Variants in ARHGAP6 observed in about 807,000 individuals in gnomAD.
ARHGAP6 encodes the protein Rho GTPase activating protein 6, also known as rho GTPase-activating protein 6.
A neutral mutation model predicts 55.7 loss-of-function variants in ARHGAP6; 16 were observed. The ratio of observed to expected loss-of-function variants is 0.29; its 90% CI spans 0.19 to 0.44. ARHGAP6 has a LOEUF of 0.44. Ranked by LOEUF, ARHGAP6 falls within the 20% of genes least tolerant of loss-of-function variation. ARHGAP6 has a pLI of 1.00. For synonymous variants in ARHGAP6, 382 were observed against 360.9 expected (o/e 1.06, Z -0.66); for missense variants, 698 against 808.9 (o/e 0.86, Z 1.66).
intron 1 of ARHGAP6, among the ~76,000 whole-genome samples, chrX:11,575,882 T>C (rs1032995075): frequency 5.3e-5 from 6 of 112,463 alleles, no homozygotes; most frequent in African/African-American, 1.9e-4. Flanking sequence ...CAGCTGCAGT[T>C]CAGAACAGTT....
chrX:11,655,116 C>T (rs1293527138), intron 1 of ARHGAP6, among the ~76,000 whole-genome samples: 1 of 112,089 alleles, frequency 8.9e-6, no homozygotes, highest in Admixed American at 9.5e-5. Context: ...CTATTCTAGA[C>T]ATTTCATATA....
In ARHGAP6 at chrX:11,294,921, AT is replaced by A. The variant is rs1421270249; in HGVS notation, c.589-40215del. 3.8e-6 allele frequency: 4 copies of A among 1,049,575 alleles called. No individual in the cohort carries two copies. In the African/African-American group the frequency reaches 7.4e-5, roughly 19 times the overall value. The allele number at this position is 1,049,575 out of a possible 1,213,427, so 86.5% of individuals were successfully genotyped here. A position where few individuals can be genotyped will look rare whatever the true frequency, so the allele number is the denominator to read the frequency against. ...TAAAAATCTGCTCATAGTTGGTGAA[AT>A]TAGGGTTTAAAACAGTATGAGATCA... is the stretch of plus-strand genomic sequence containing the variant. On this transcript the variant is annotated intron_variant, in intron 1 of 12. Coordinates refer to ENST00000337414, the MANE Select transcript of ARHGAP6 (RefSeq NM_013427.3).
chrX:11,392,386 T>A (rs1192250262), intron 1 of ARHGAP6, among the ~76,000 whole-genome samples: 1 of 111,380 alleles, frequency 9.0e-6, no homozygotes, highest in Non-Finnish European at 1.9e-5. Flanking sequence ...TCACCAGCTG[T>A]TTATCACGAG....
At chrX:11,430,276 T>G (rs1218872093) in intron 1 of ARHGAP6, among the ~76,000 whole-genome samples, 3 of 112,635 alleles carry the variant, frequency 2.7e-5, no homozygotes. Flanking sequence ...AGCCCCACAC[T>G]GTGTACTTAC....
intron 1 of ARHGAP6, among the ~76,000 whole-genome samples, chrX:11,624,705 C>G (rs1213276578): frequency 8.9e-5 from 10 of 111,989 alleles, no homozygotes; most frequent in Non-Finnish European, 1.9e-4. Flanking sequence ...GCACCCACCA[C>G]CACGCCTGGC....
At chrX:11,203,812 A>C (rs938856550) in intron 2 of ARHGAP6, among the ~76,000 whole-genome samples, 5 of 111,522 alleles carry the variant, frequency 4.5e-5, no homozygotes, top group Non-Finnish European at 9.4e-5. Flanking sequence ...CTACATACTC[A>C]AACTTTGGTG....
intron 1 of ARHGAP6, among the ~76,000 whole-genome samples, chrX:11,455,769 G>A (rs1354374873): frequency 8.9e-6 from 1 of 111,963 alleles, no homozygotes; most frequent in African/African-American, 3.2e-5. Flanking sequence ...CATGAGACTA[G>A]ATTCTTCTAC....
intron 1 of ARHGAP6, among the ~76,000 whole-genome samples, chrX:11,637,802 T>A (rs748338617): frequency 9.0e-6 from 1 of 110,693 alleles, no homozygotes; most frequent in South Asian, 3.8e-4. Context: ...TAATTACAAG[T>A]AATTAGGTGG....
intron 1 of ARHGAP6, among the ~76,000 whole-genome samples, chrX:11,383,823 C>T (rs895621666): frequency 8.1e-5 from 9 of 110,432 alleles, no homozygotes; most frequent in African/African-American, 2.0e-4. Context: ...TACTGGAGAA[C>T]GAAGAAATTA....
At chrX:11,156,328 A>C (rs1293472981) in intron 10 of ARHGAP6, among the ~76,000 whole-genome samples, 2 of 112,514 alleles carry the variant, frequency 1.8e-5, no homozygotes, top group Non-Finnish European at 3.7e-5. Flanking sequence ...AAATCTTGTA[A>C]TGTGGTTTCT....
At chrX:11,482,921 T>C (rs1172216352) in intron 1 of ARHGAP6, among the ~76,000 whole-genome samples, 1 of 111,625 alleles carries the variant, frequency 9.0e-6, no homozygotes, top group Non-Finnish European at 1.9e-5. Flanking sequence ...ACTTAAGTTA[T>C]CCTCTGGGGG....
chrX:11,501,779 A>T (rs1289739944), intron 1 of ARHGAP6, among the ~76,000 whole-genome samples: 1 of 111,932 alleles, frequency 8.9e-6, no homozygotes, highest in Non-Finnish European at 1.9e-5. Flanking sequence ...ACTATTCATT[A>T]AGTAGGAGTG....
At chrX:11,563,461 C>G (rs1356245812) in intron 1 of ARHGAP6, among the ~76,000 whole-genome samples, 1 of 111,647 alleles carries the variant, frequency 9.0e-6, no homozygotes, top group Non-Finnish European at 1.9e-5. Context: ...TATGAAATCT[C>G]ACAAGATGTA....
chrX:11,369,246 A>G (rs2049117455), intron 1 of ARHGAP6, among the ~76,000 whole-genome samples: 1 of 110,656 alleles, frequency 9.0e-6, no homozygotes, highest in South Asian at 3.9e-4. Context: ...CTTTCAGACT[A>G]CTGGGCAGGG....
At chrX:11,189,432 G>A (rs2046426189) in intron 3 of ARHGAP6, among the ~76,000 whole-genome samples, 1 of 112,125 alleles carries the variant, frequency 8.9e-6, no homozygotes, top group African/African-American at 3.2e-5. Context: ...AGAGATGCAT[G>A]AAACTAAGGC....
At chrX:11,417,898 C>T (rs2049774310) in intron 1 of ARHGAP6, among the ~76,000 whole-genome samples, 1 of 110,773 alleles carries the variant, frequency 9.0e-6, no homozygotes, top group African/African-American at 3.4e-5. Context: ...GGACCTATCT[C>T]ACAGGGTTAT....
intron 1 of ARHGAP6, among the ~76,000 whole-genome samples, chrX:11,500,158 C>A (rs1023626019): frequency 9.0e-6 from 1 of 111,190 alleles, no homozygotes; most frequent in African/African-American, 3.3e-5. Flanking sequence ...ACCACTGTTT[C>A]TTCTTTTCAT....
At chrX:11,173,728 TAAGGTCTCACCAGTGAATG>T (rs2046127250) in intron 8 of ARHGAP6, among the ~76,000 whole-genome samples, 1 of 112,398 alleles carries the variant, frequency 8.9e-6, no homozygotes, top group African/African-American at 3.2e-5. Flanking sequence ...TAGACATCTT[TAAGGTCTCACCAGTGAATG>T]ATGCATTGAA....
intron 1 of ARHGAP6, among the ~76,000 whole-genome samples, chrX:11,408,488 G>A (rs1049255569): frequency 5.4e-5 from 6 of 111,350 alleles, no homozygotes; most frequent in Admixed American, 9.6e-5. Flanking sequence ...ATAGCCACAA[G>A]CAGCTTATAA....
Sources: allele counts gnomAD v4.1 joint callset (sites outside exome capture counted in the v4.1 genomes callset), GRCh38; gene constraint gnomAD v4.1.1; transcripts MANE v1.5; gene names NCBI Gene and HGNC (gene_info 2026-07-23, HGNC 2026-07-21).